Variants in STK3 observed in about 807,000 individuals in gnomAD.
STK3 encodes the protein serine/threonine-protein kinase 3.
STK3 carries 41 observed loss-of-function variants against 58.0 expected under a neutral mutation model. The observed-to-expected ratio is 0.71, with a 90% CI of 0.55 to 0.92. The LOEUF (loss-of-function observed/expected upper bound fraction) is 0.92. Among genes scored for constraint, STK3 ranks in the 40% least tolerant of loss-of-function variants. STK3 has a pLI of 0.00. For synonymous variants in STK3, 170 were observed against 191.0 expected (o/e 0.89, Z 0.91); for missense variants, 479 against 602.7 (o/e 0.79, Z 2.15).
At chr8:98,723,262 C>T (rs1214803673) in intron 4 of STK3, among the ~76,000 whole-genome samples, 2 of 151,996 alleles carry the variant, frequency 1.3e-5, no homozygotes, top group African/African-American at 2.4e-5. Flanking sequence ...TGAGCTAATA[C>T]GTTAAAAGAT....
chr8:98,845,044 T>A (rs1836151565), intron 3 of STK3, among the ~76,000 whole-genome samples: 1 of 152,220 alleles, frequency 6.6e-6, no homozygotes, highest in Non-Finnish European at 1.5e-5. Context: ...ATCCCTGGAC[T>A]TGCTCTGGTT....
chr8:98,498,432 G>A (rs1031872322), intron 10 of STK3, among the ~76,000 whole-genome samples: 5 of 152,154 alleles, frequency 3.3e-5, no homozygotes, highest in African/African-American at 1.2e-4. Context: ...GAGAATGGGT[G>A]AACACTCCCA....
At chr8:98,602,743 C>T (rs1563792290) in intron 6 of STK3, among the ~76,000 whole-genome samples, 1 of 151,934 alleles carries the variant, frequency 6.6e-6, no homozygotes, top group Non-Finnish European at 1.5e-5. Flanking sequence ...GGCTTAACCT[C>T]CAAAGAGAGA....
chr8:98,906,975 C>A (rs1838928545), intron 1 of STK3, among the ~76,000 whole-genome samples: 2 of 143,504 alleles, frequency 1.4e-5, no homozygotes, highest in South Asian at 4.2e-4. Flanking sequence ...TAGGGATAAC[C>A]CCATCTCTAC....
chr8:98,497,967 C>T (rs1320189969), intron 10 of STK3, among the ~76,000 whole-genome samples: 1 of 152,120 alleles, frequency 6.6e-6, no homozygotes, highest in African/African-American at 2.4e-5. Context: ...GATGTCCACA[C>T]AAAAACTTGT....
chr8:98,840,178 C>G (rs1180047541), intron 3 of STK3, among the ~76,000 whole-genome samples: 1 of 151,784 alleles, frequency 6.6e-6, no homozygotes, highest in Non-Finnish European at 1.5e-5. Flanking sequence ...GAAACCCCGT[C>G]TCTACTGAAA....
chr8:98,546,020 C>T (rs1290250472), intron 9 of STK3, among the ~76,000 whole-genome samples: 1 of 152,136 alleles, frequency 6.6e-6, no homozygotes, highest in East Asian at 1.9e-4. Flanking sequence ...ACACTGAAGT[C>T]TCACATTACA....
intron 1 of STK3, among the ~76,000 whole-genome samples, chr8:98,790,466 C>T (rs1366351881): frequency 6.6e-6 from 1 of 152,160 alleles, no homozygotes; most frequent in Non-Finnish European, 1.5e-5. Flanking sequence ...CAAACTCCAA[C>T]ATCCCTCTAT....
At chr8:98,690,344 C>G (rs958225190) in intron 6 of STK3, among the ~76,000 whole-genome samples, 1 of 151,596 alleles carries the variant, frequency 6.6e-6, no homozygotes, top group Non-Finnish European at 1.5e-5. Context: ...TCAGCAAAGT[C>G]TCAGGATATA....
the STK3 span, among the ~76,000 whole-genome samples, chr8:98,364,769 C>T: frequency 1.3e-5 from 2 of 152,176 alleles, no homozygotes; most frequent in Admixed American, 1.3e-4. Context: ...TCGTATTTGC[C>T]TTCCAGTTGG....
intron 9 of STK3, among the ~76,000 whole-genome samples, chr8:98,532,546 A>G (rs1357806597): frequency 6.6e-6 from 1 of 152,210 alleles, no homozygotes; most frequent in Non-Finnish European, 1.5e-5. Context: ...ATACAAAGTG[A>G]GCACATAACA....
At chr8:98,399,335 C>CCGGG (rs1176315407), downstream of STK3, among the ~76,000 whole-genome samples, 3 of 152,228 alleles carry the variant, frequency 2.0e-5, no homozygotes, top group Non-Finnish European at 4.4e-5. Flanking sequence ...TTACTGTGTG[C>CCGGG]CGGGCTACAA....
chr8:98,674,527 C>G (rs1023871938), intron 6 of STK3, among the ~76,000 whole-genome samples: 4 of 151,438 alleles, frequency 2.6e-5, no homozygotes, highest in Non-Finnish European at 4.4e-5. Context: ...ATTTTTGAGG[C>G]AAAAAAAGGT....
chr8:98,867,362 C>A (rs552301964), intron 3 of STK3, among the ~76,000 whole-genome samples: 1 of 152,094 alleles, frequency 6.6e-6, no homozygotes, highest in Non-Finnish European at 1.5e-5. Flanking sequence ...TCCAGTGAGC[C>A]GAGATCGCGC....
At chr8:98,393,045 C>T (rs1348315758), upstream of STK3, among the ~76,000 whole-genome samples, 2 of 152,146 alleles carry the variant, frequency 1.3e-5, no homozygotes, top group Non-Finnish European at 2.9e-5. Flanking sequence ...GGGAGTCCAC[C>T]CAAGGGCAAC....
chr8:98,479,145 G>A (rs1379728196), intron 10 of STK3, among the ~76,000 whole-genome samples: 2 of 151,786 alleles, frequency 1.3e-5, no homozygotes, highest in African/African-American at 2.4e-5. Flanking sequence ...CTCTTTCTGC[G>A]TGATAGTGCA....
chr8:98,723,797 A>G (rs188172199), intron 4 of STK3, among the ~76,000 whole-genome samples: 28 of 152,232 alleles, frequency 1.8e-4, no homozygotes, highest in Non-Finnish European at 2.8e-4. Context: ...GCACTTGCAT[A>G]AGGTCTTAAA....
At chr8:98,899,637 G>A (rs553547266) in intron 1 of STK3, among the ~76,000 whole-genome samples, 1 of 152,246 alleles carries the variant, frequency 6.6e-6, no homozygotes, top group South Asian at 2.1e-4. Flanking sequence ...GTATCCATGG[G>A]GAGTCCTGGG....
At chr8:98,580,493 A>T (rs1331049534) in intron 7 of STK3, among the ~76,000 whole-genome samples, 1 of 152,214 alleles carries the variant, frequency 6.6e-6, no homozygotes, top group Non-Finnish European at 1.5e-5. Flanking sequence ...GTAGAGTGAA[A>T]GGTTATAATT....
Sources: allele counts gnomAD v4.1 joint callset (sites outside exome capture counted in the v4.1 genomes callset), GRCh38; gene constraint gnomAD v4.1.1; transcripts MANE v1.5; gene names NCBI Gene and HGNC (gene_info 2026-07-23, HGNC 2026-07-21).